Variants in IMMP2L observed in about 807,000 individuals in gnomAD.
IMMP2L encodes inner mitochondrial membrane peptidase subunit 2.
In IMMP2L, 18 loss-of-function variants were observed where a neutral mutation model predicts 19.3. The ratio of observed to expected loss-of-function variants is 0.93; its 90% CI spans 0.64 to 1.38. The LOEUF is 1.38. Ranked by LOEUF, IMMP2L falls within the 40% of genes most tolerant of loss-of-function variation. The probability of loss-of-function intolerance (pLI) is 0.00; values close to 1 mark genes in which losing one functional copy is unlikely to be tolerated. For synonymous variants in IMMP2L, 76 were observed against 73.0 expected, an observed-to-expected ratio of 1.04 and a Z score of -0.21; for missense variants, 233 against 218.2, an observed-to-expected ratio of 1.07 and a Z score of -0.43.
chr7:111,079,123 T>C (rs1795663848), intron 3 of IMMP2L, among the ~76,000 whole-genome samples: 2 of 138,710 alleles, frequency 1.4e-5, no homozygotes, highest in Admixed American at 1.4e-4. Context: ...AATTTTTTTC[T>C]TTTTTTTTTT....
intron 5 of IMMP2L, among the ~76,000 whole-genome samples, chr7:110,754,890 G>A (rs1044812092): frequency 6.6e-6 from 1 of 151,278 alleles, no homozygotes; most frequent in African/African-American, 2.4e-5. Flanking sequence ...ATACAGCAGG[G>A]TTACAGCACG....
chr7:111,014,094 T>G (rs928429271), intron 3 of IMMP2L, among the ~76,000 whole-genome samples: 1 of 152,138 alleles, frequency 6.6e-6, no homozygotes, highest in East Asian at 1.9e-4. Flanking sequence ...CCAGGTGTGG[T>G]GCCTCACGCC....
chr7:111,411,019 T>C (rs749725995), intron 3 of IMMP2L, among the ~76,000 whole-genome samples: 6 of 136,568 alleles, frequency 4.4e-5, no homozygotes, highest in Non-Finnish European at 9.3e-5. Flanking sequence ...AATATCAGCC[T>C]ACAAATCCAA....
intron 3 of IMMP2L, among the ~76,000 whole-genome samples, chr7:111,286,862 T>A (rs1478395394): frequency 6.6e-6 from 1 of 152,124 alleles, no homozygotes; most frequent in Non-Finnish European, 1.5e-5. Context: ...TAGAGCCTAG[T>A]CAGAATGATT....
chr7:111,236,086 T>C (rs1217696788), intron 3 of IMMP2L, among the ~76,000 whole-genome samples: 1 of 152,148 alleles, frequency 6.6e-6, no homozygotes, highest in African/African-American at 2.4e-5. Flanking sequence ...TCTCCTTTTT[T>C]GAACAAATTA....
chr7:111,067,495 AT>A (rs765988815), intron 3 of IMMP2L, among the ~76,000 whole-genome samples: 3 of 152,162 alleles, frequency 2.0e-5, no homozygotes, highest in Non-Finnish European at 2.9e-5. Context: ...ACTGCCTTAG[AT>A]TGGCTGTGTC....
intron 3 of IMMP2L, among the ~76,000 whole-genome samples, chr7:111,067,229 T>C (rs749194329): frequency 5.3e-5 from 8 of 152,224 alleles, no homozygotes; most frequent in African/African-American, 9.6e-5. Context: ...AATATAGTTA[T>C]GGGAACCTCT....
At chr7:110,851,349 G>A (rs1283212196) in intron 5 of IMMP2L, among the ~76,000 whole-genome samples, 5 of 152,084 alleles carry the variant, frequency 3.3e-5, no homozygotes, top group African/African-American at 1.2e-4. Context: ...GTCTAATGTA[G>A]ACGTTGTACC....
rs1243186925 is a variant in IMMP2L at position 111,016,909 on chromosome 7, TTA to T, written c.240-53346_240-53345del. Among the ~76,000 whole-genome samples the T allele has an allele frequency of 6.0e-4, 55 of 92,306 alleles. No individual in the cohort carries two copies. The South Asian group carries it at 0.012, about 20-fold the overall frequency. 60.6% of individuals were successfully genotyped at this position (92,306 alleles called of 152,430 possible). A position where few individuals can be genotyped will look rare whatever the true frequency, so the allele number is the denominator to read the frequency against. On this transcript the variant is annotated intron_variant, in intron 3 of 5. Coordinates refer to ENST00000405709, the MANE Select transcript of IMMP2L (RefSeq NM_032549.4). ...TATATATAATATATATTATATATAA[TTA>T]TATATATATTTATATATACTAATAT...
chr7:110,915,001 T>C (rs1411122262), intron 4 of IMMP2L, among the ~76,000 whole-genome samples: 2 of 151,870 alleles, frequency 1.3e-5, no homozygotes, highest in Non-Finnish European at 2.9e-5. Flanking sequence ...GAATGTAAAT[T>C]AGTACTGGTA....
intron 5 of IMMP2L, among the ~76,000 whole-genome samples, chr7:110,844,083 C>T (rs1323421618): frequency 1.3e-5 from 2 of 152,132 alleles, no homozygotes; most frequent in Admixed American, 1.3e-4. Context: ...AAGATCACTG[C>T]CATTGCTGAG....
intron 5 of IMMP2L, among the ~76,000 whole-genome samples, chr7:110,797,163 A>C (rs140291515): frequency 1.3e-5 from 2 of 151,960 alleles, no homozygotes; most frequent in Non-Finnish European, 1.5e-5. Context: ...TCAGGAAGCA[A>C]CAGTTCTGTC....
intron 3 of IMMP2L, among the ~76,000 whole-genome samples, chr7:111,038,232 T>A (rs1791540242): frequency 6.6e-6 from 1 of 152,150 alleles, no homozygotes; most frequent in Non-Finnish European, 1.5e-5. Flanking sequence ...TGATTTTTAT[T>A]TTTATAAAAT....
rs1018240715 is a variant in IMMP2L at position 110,877,705 on chromosome 7, T to C, written c.408+8888A>G. Reference sequence around the variant, plus strand: ...CACTACTTTTTTGGTGCCTGTGTTTTTGAGAAACCTGCACATCACAAGTTT... The same window carrying C: ...CACTACTTTTTTGGTGCCTGTGTTTCTGAGAAACCTGCACATCACAAGTTT... On this transcript the variant is annotated intron_variant, in intron 5 of 5. Transcript: ENST00000405709. The surrounding 1 kb of genome is among the most constrained non-coding windows in gnomAD (Gnocchi z 4.0). Among the ~76,000 whole-genome samples the C allele has an allele frequency of 2.6e-5, 4 of 152,104 alleles. No individual in the cohort carries two copies. The highest frequency in any genetic ancestry group is 9.7e-5 in the African/African-American group (4 of 41,422).
intron 3 of IMMP2L, chr7:111,124,932 C>CAAAAAAAAAAA (rs398005852): frequency 2.2e-6 from 2 of 889,296 alleles, no homozygotes; most frequent in Non-Finnish European, 1.5e-6. Context: ...CAAAAATGAA[C>CAAAAAAAAAAA]AAAAAAAAAA....
At chr7:111,204,647 C>G (rs944822101) in intron 3 of IMMP2L, among the ~76,000 whole-genome samples, 1 of 152,062 alleles carries the variant, frequency 6.6e-6, no homozygotes, top group African/African-American at 2.4e-5. Flanking sequence ...CACCTATATA[C>G]TTGAGGTACT....
At chr7:111,228,977 G>GTC (rs1813415266) in intron 3 of IMMP2L, among the ~76,000 whole-genome samples, 1 of 148,572 alleles carries the variant, frequency 6.7e-6, no homozygotes, top group African/African-American at 2.6e-5. Flanking sequence ...GTGTGTGTGT[G>GTC]TGTGTGTGTG....
At chr7:111,104,782 T>C (rs773471062) in intron 3 of IMMP2L, among the ~76,000 whole-genome samples, 15 of 151,742 alleles carry the variant, frequency 9.9e-5, no homozygotes, top group Non-Finnish European at 1.9e-4. Flanking sequence ...AAATTAAAAA[T>C]ATGCATAGAA....
chr7:111,338,830 A>C (rs771855167), intron 3 of IMMP2L, among the ~76,000 whole-genome samples: 1 of 152,132 alleles, frequency 6.6e-6, no homozygotes, highest in Non-Finnish European at 1.5e-5. Context: ...CCTTTGCCCC[A>C]ATATTGCATG....
Sources: gnomAD v4.1 joint callset for allele counts (sites outside exome capture counted in the v4.1 genomes callset) on GRCh38, gnomAD v4.1.1 for gene constraint, Gnocchi (gnomAD v3.1) non-coding constraint, MANE v1.5 for transcripts, NCBI Gene and HGNC (gene_info 2026-07-23, HGNC 2026-07-21) for gene names.